The following RRBP1 variants were observed in gnomAD, a reference collection of about 807,000 sequenced individuals.
The protein encoded by RRBP1 is ribosome-binding protein 1.
In RRBP1, 94 loss-of-function variants were observed where a neutral mutation model predicts 165.2. That is an observed-to-expected ratio of 0.57 (90% confidence interval 0.48 to 0.68). RRBP1 has a LOEUF of 0.68. RRBP1 is among the 30% of genes least tolerant of loss of function. The pLI is 0.00. For missense variants in RRBP1, 1,676 were observed against 1,763.0 expected, an observed-to-expected ratio of 0.95 and a Z score of 0.88; for synonymous variants, 680 against 714.5, an observed-to-expected ratio of 0.95 and a Z score of 0.77.
chr20:17,615,867 C>A, intron 22 of RRBP1, 59 bp downstream of exon 22: 2 of 1,461,538 alleles, frequency 1.4e-6, no homozygotes, highest in Admixed American at 3.4e-5. Context: ...CCACTCATTC[C>A]CTGGAGACTC....
At chr20:17,652,177 A>G (rs3790311) in intron 3 of RRBP1, among the ~76,000 whole-genome samples, 1,723 of 152,260 alleles carry the variant, frequency 0.011, 73 homozygotes, top group East Asian at 0.073. Context: ...CTCCTTTCAG[A>G]AGGTCCTGTT....
intron 24 of RRBP1, among the ~76,000 whole-genome samples, chr20:17,614,423 A>C (rs2035752001): frequency 6.6e-6 from 1 of 152,112 alleles, no homozygotes; most frequent in Non-Finnish European, 1.5e-5. Flanking sequence ...ATCATCCTGC[A>C]GGGCAGGGGC....
At position 17,613,748 on chromosome 20, in the gene RRBP1, G is replaced by A. The variant is rs2035734862; in HGVS notation, c.*434C>T. ...TCACACGTCAGTTCTGGTTGGCAAC[G>A]TCTAGGGGTGAGGGGCTGTGGCCTC... On this transcript the variant is annotated 3_prime_UTR_variant, in exon 25 of 25. Transcript: ENST00000377813. 1.7e-5 allele frequency: 3 copies of A among 176,938 alleles called. No individual in the cohort carries two copies. Among genetic ancestry groups the A allele is most frequent in the East Asian group, 1.5e-4 (1 of 6,648 alleles). 11.0% of individuals were successfully genotyped at this position (176,938 alleles called of 1,614,324 possible). A position where few individuals can be genotyped will look rare whatever the true frequency, so the allele number is the denominator to read the frequency against.
At position 17,621,836 on chromosome 20, in the gene RRBP1, A is replaced by G; in HGVS notation, c.3240+19T>C. 1 of 1,613,332 alleles carries G rather than the reference A, an allele frequency of 6.2e-7. No individual in the cohort carries two copies. Among genetic ancestry groups the G allele is most frequent in the Non-Finnish European group, 8.5e-7 (1 of 1,179,474 alleles). ...CCCTGAGAACTGTGAGGTCCCCGGGAACCACCCTCCCCTCCTACCTGTTGT... is the reference window on the plus strand; with the variant it reads ...CCCTGAGAACTGTGAGGTCCCCGGGGACCACCCTCCCCTCCTACCTGTTGT... On this transcript the variant is annotated intron_variant, in intron 14 of 24. Coordinates refer to ENST00000377813, the MANE Select transcript of RRBP1 (RefSeq NM_001365613.2).
intron 19 of RRBP1, 47 bp from the exon 20 acceptor site, chr20:17,618,726 G>T (rs763152480): frequency 1.6e-5 from 23 of 1,462,214 alleles, no homozygotes; most frequent in Non-Finnish European, 1.9e-5. Context: ...GGAGAGAAAA[G>T]GAGAAAACCA....
chr20:17,640,734 G>A (rs749530470), intron 5 of RRBP1, among the ~76,000 whole-genome samples: 1 of 152,220 alleles, frequency 6.6e-6, no homozygotes, highest in Non-Finnish European at 1.5e-5. Flanking sequence ...GAGCAGCATC[G>A]AAGAGCGGCC....
At chr20:17,662,389 T>C (rs541197249) in intron 2 of RRBP1, among the ~76,000 whole-genome samples, 44 of 152,278 alleles carry the variant, frequency 2.9e-4, no homozygotes, top group African/African-American at 1.1e-3. Context: ...TCCTAGCATA[T>C]GCTCTCCCTG....
intron 8 of RRBP1, among the ~76,000 whole-genome samples, chr20:17,632,199 T>C (rs2036163693): frequency 6.6e-6 from 1 of 152,158 alleles, no homozygotes; most frequent in Non-Finnish European, 1.5e-5. Context: ...GAATCTTTGG[T>C]GTCAGACTGG....
In RRBP1 at chr20:17,660,529, C is replaced by A; in HGVS notation, c.-21-1G>T. On this transcript the variant is annotated splice_acceptor_variant, in intron 2 of 24. Coordinates refer to ENST00000377813, the MANE Select transcript of RRBP1 (RefSeq NM_001365613.2). LOFTEE classifies it low-confidence loss of function (5UTR_SPLICE). ...CCATCCTGGCTTGCTTTCCTTTCAC[C>A]TGTCAAACATACATGGAGGTTACTA... 1 of 1,557,306 alleles carries A rather than the reference C, an allele frequency of 6.4e-7. No individual in the cohort carries two copies. Among genetic ancestry groups the A allele is most frequent in the Non-Finnish European group, 8.8e-7 (1 of 1,131,918 alleles).
intron 4 of RRBP1, among the ~76,000 whole-genome samples, chr20:17,642,417 T>A (rs1031782200): frequency 9.2e-5 from 14 of 151,854 alleles, no homozygotes; most frequent in Admixed American, 5.9e-4. Flanking sequence ...CTGTGCAGGA[T>A]GTGTATGGCC....
chr20:17,669,554 A>G (rs186881087), intron 2 of RRBP1, among the ~76,000 whole-genome samples: 1 of 152,328 alleles, frequency 6.6e-6, no homozygotes, highest in East Asian at 1.9e-4. Context: ...TGATGAATCA[A>G]TCGTCTACTC....
At chr20:17,636,237 T>C (rs1051939957) in intron 6 of RRBP1, among the ~76,000 whole-genome samples, 6 of 152,196 alleles carry the variant, frequency 3.9e-5, no homozygotes, top group African/African-American at 1.2e-4. Flanking sequence ...AGAGCCTGCG[T>C]TTCTCTAGGT....
At chr20:17,616,936 T>C in intron 20 of RRBP1, 97 bp from the exon 21 acceptor site, 1 of 988,972 alleles carries the variant, frequency 1.0e-6, no homozygotes, top group Non-Finnish European at 1.6e-6. Flanking sequence ...GTAGCTGCTC[T>C]CAACAGCCAA....
intron 2 of RRBP1, among the ~76,000 whole-genome samples, chr20:17,667,273 GA>G (rs1177939841): frequency 7.2e-5 from 11 of 152,312 alleles, no homozygotes; most frequent in Non-Finnish European, 1.0e-4. Context: ...AGGCTGGCTA[GA>G]GTGCTGATTT....
chr20:17,670,399 CTT>C (rs201580103), intron 2 of RRBP1, among the ~76,000 whole-genome samples: 23 of 133,760 alleles, frequency 1.7e-4, no homozygotes, highest in Admixed American at 1.7e-3. Context: ...GTGTAGGATT[CTT>C]TTTTTTTTTT....
intron 2 of RRBP1, among the ~76,000 whole-genome samples, chr20:17,667,335 G>A (rs928653414): frequency 2.6e-5 from 4 of 152,074 alleles, no homozygotes; most frequent in Non-Finnish European, 1.5e-5. Context: ...ATGATTCTAG[G>A]ACCAGCTGCT....
intron 2 of RRBP1, among the ~76,000 whole-genome samples, chr20:17,666,401 A>G (rs2036868196): frequency 6.6e-6 from 1 of 152,154 alleles, no homozygotes. Flanking sequence ...TTTCTCCATA[A>G]AAGTCTTACA....
intron 8 of RRBP1, among the ~76,000 whole-genome samples, chr20:17,632,496 C>T (rs1260007457): frequency 6.6e-6 from 1 of 152,218 alleles, no homozygotes; most frequent in African/African-American, 2.4e-5. Context: ...CTCAATTCCA[C>T]CCCAATTCAA....
At chr20:17,650,162 TA>T (rs78270297) in intron 3 of RRBP1, among the ~76,000 whole-genome samples, 106 of 141,706 alleles carry the variant, frequency 7.5e-4, no homozygotes, top group African/African-American at 1.2e-3. Flanking sequence ...TTCTTCTCCA[TA>T]AAAAAAAAAA....
Sources: gnomAD v4.1 joint callset for allele counts (sites outside exome capture counted in the v4.1 genomes callset) on GRCh38, gnomAD v4.1.1 for gene constraint, MANE v1.5 for transcripts, NCBI Gene and HGNC (gene_info 2026-07-23, HGNC 2026-07-21) for gene names.